Variants in DLGAP2 observed in about 807,000 individuals in gnomAD.
DLGAP2 encodes the protein DLG associated protein 2, also known as disks large-associated protein 2.
A neutral mutation model predicts 100.3 loss-of-function variants in DLGAP2; 26 were observed. That is an observed-to-expected ratio of 0.26 (90% CI 0.19 to 0.36). DLGAP2 has a LOEUF of 0.36. Ranked by LOEUF, DLGAP2 falls within the 10% of genes least tolerant of loss-of-function variation. The probability of loss-of-function intolerance (pLI) is 1.00; values close to 1 mark genes in which losing one functional copy is unlikely to be tolerated. For missense variants in DLGAP2, 1,858 were observed against 1,453.2 expected (o/e 1.28, Z -4.53); for synonymous variants, 886 against 630.1 (o/e 1.41, Z -6.08).
At chr8:1,291,414 G>A (rs965150625) in intron 3 of DLGAP2, among the ~76,000 whole-genome samples, 5 of 152,140 alleles carry the variant, frequency 3.3e-5, no homozygotes, top group African/African-American at 9.7e-5. Flanking sequence ...CTACATGTGA[G>A]AGTGAATTAC....
At chr8:1,479,691 C>G (rs759501446) in intron 3 of DLGAP2, among the ~76,000 whole-genome samples, 1 of 152,050 alleles carries the variant, frequency 6.6e-6, no homozygotes, top group Admixed American at 6.5e-5. Flanking sequence ...AAGGGGTTGG[C>G]CAACCGTAAG....
Position 935,103 on chromosome 8 carries a change from C to G in DLGAP2, c.73+27137C>G, listed in dbSNP as rs1245419245. ...GTAAGTGGCCATTAAACCCCACACA[C>G]TTGAAGAGAGCCTGCTGCCATTCCC... is the stretch of plus-strand genomic sequence containing the variant. On this transcript the variant is annotated intron_variant, in intron 2 of 14. Transcript: ENST00000637795. 2.6e-5 allele frequency among the ~76,000 whole-genome samples: 4 copies of G among 152,230 alleles called. No individual in the cohort carries two copies. The East Asian group carries it at 7.7e-4, about 29-fold the overall frequency.
rs1368560549 is a variant in DLGAP2, at chr8:881,492, CTCTCTT to C, written c.19-26418_19-26413del. Among the ~76,000 whole-genome samples, 919 of 128,108 alleles carry C rather than the reference CTCTCTT, an allele frequency of 7.2e-3. 20 individuals carry two copies. Among genetic ancestry groups the C allele is most frequent in the African/African-American group, 0.021 (700 of 33,488 alleles). 84.0% of individuals were successfully genotyped at this position (128,108 alleles called of 152,430 possible). ...TCTCATCCTCTCCTTACCATTTCAT[CTCTCTT>C]TTTTTTTTTTTTTTTTTTTGAGATG... On this transcript the variant is annotated intron_variant, in intron 1 of 14. Transcript: ENST00000637795.
intron 3 of DLGAP2, among the ~76,000 whole-genome samples, chr8:1,278,171 C>G (rs1008018191): frequency 6.6e-6 from 1 of 152,200 alleles, no homozygotes; most frequent in Non-Finnish European, 1.5e-5. Flanking sequence ...TGTGTTCCAG[C>G]TCTTTCTCCT....
At chr8:1,700,661 G>T (rs1254936999) in intron 14 of DLGAP2, among the ~76,000 whole-genome samples, 2 of 152,164 alleles carry the variant, frequency 1.3e-5, no homozygotes, top group African/African-American at 4.8e-5. Context: ...TATCGTCCAC[G>T]TCAATGGGAT....
intron 13 of DLGAP2, among the ~76,000 whole-genome samples, 157 bp downstream of exon 13, chr8:1,691,783 G>C (rs1434676655): frequency 2.0e-5 from 3 of 152,200 alleles, no homozygotes; most frequent in Non-Finnish European, 4.4e-5. Flanking sequence ...CCTGGGGAAA[G>C]AGACGATTCG....
chr8:764,035 G>A (rs1403129347), intron 1 of DLGAP2, among the ~76,000 whole-genome samples: 1 of 152,206 alleles, frequency 6.6e-6, no homozygotes, highest in Non-Finnish European at 1.5e-5. Context: ...CCAATAGGGT[G>A]TGTATGTCTT....
intron 12 of DLGAP2, among the ~76,000 whole-genome samples, chr8:1,683,856 ATG>A (rs10583520): frequency 0.26 from 15,998 of 61,738 alleles, 2,939 homozygotes; most frequent in Non-Finnish European, 0.3. Context: ...ATATATATAT[ATG>A]TGTGTGTGTG....
chr8:1,219,735 G>T (rs558696636), intron 2 of DLGAP2, among the ~76,000 whole-genome samples: 1 of 152,022 alleles, frequency 6.6e-6, no homozygotes, highest in East Asian at 1.9e-4. Flanking sequence ...CTGTGAATCC[G>T]TATGTCCCAG....
chr8:1,031,513 G>A (rs1801971749), intron 2 of DLGAP2, among the ~76,000 whole-genome samples: 2 of 152,124 alleles, frequency 1.3e-5, no homozygotes, highest in African/African-American at 4.8e-5. Flanking sequence ...CCGGGCTCAA[G>A]TGATCCTGCC....
Position 1,425,818 on chromosome 8 carries a change from C to T in DLGAP2, c.107-75548C>T, listed in dbSNP as rs73532657. Reference sequence around the variant, plus strand: ...CCCAGGGGATGTCAGGGCCCTAGACCGAGAAACAGAGACAGCCAGAAGTTC... The same window carrying T: ...CCCAGGGGATGTCAGGGCCCTAGACTGAGAAACAGAGACAGCCAGAAGTTC... On this transcript the variant is annotated intron_variant, in intron 3 of 14. Transcript: ENST00000637795. 5.5e-3 allele frequency among the ~76,000 whole-genome samples: 836 copies of T among 152,240 alleles called. 9 individuals are homozygous for T. Among genetic ancestry groups the T allele is most frequent in the African/African-American group, 0.019 (775 of 41,544 alleles).
intron 3 of DLGAP2, among the ~76,000 whole-genome samples, chr8:1,370,739 T>C (rs1802218010): frequency 6.6e-6 from 1 of 152,210 alleles, no homozygotes; most frequent in Non-Finnish European, 1.5e-5. Flanking sequence ...TGCTGGTGTA[T>C]GTAGGAGCCG....
At chr8:1,641,476 T>C in intron 8 of DLGAP2, among the ~76,000 whole-genome samples, 1 of 152,206 alleles carries the variant, frequency 6.6e-6, no homozygotes, top group East Asian at 1.9e-4. Flanking sequence ...GAAGCTGTCA[T>C]TGAACAAGTG....
chr8:958,582 C>CAAA (rs1207044026), intron 2 of DLGAP2, among the ~76,000 whole-genome samples: 7 of 85,576 alleles, frequency 8.2e-5, no homozygotes, highest in Non-Finnish European at 1.5e-4. Flanking sequence ...ACTAGACCTC[C>CAAA]AAAAAAAAAA....
At chr8:785,425 C>G (rs936758884) in intron 1 of DLGAP2, among the ~76,000 whole-genome samples, 1 of 151,030 alleles carries the variant, frequency 6.6e-6, no homozygotes, top group Admixed American at 6.6e-5. Context: ...TCTCTGAGAC[C>G]GGCTTCTCTC....
intron 8 of DLGAP2, among the ~76,000 whole-genome samples, chr8:1,648,910 A>G (rs900113870): frequency 4.6e-5 from 7 of 152,206 alleles, no homozygotes; most frequent in African/African-American, 1.7e-4. Flanking sequence ...ATTGTGGGGA[A>G]AACCTACAAA....
intron 1 of DLGAP2, among the ~76,000 whole-genome samples, chr8:759,302 C>CTCCCCATTATCAATACCCCCCACAGCT: frequency 6.6e-6 from 1 of 151,792 alleles, no homozygotes; most frequent in Non-Finnish European, 1.5e-5. Flanking sequence ...CCCCCACAGC[C>CTCCCCATTATCAATACCCCCCACAGCT]TCCCCATTAT....
At chr8:1,115,338 C>A (rs555585443) in intron 2 of DLGAP2, among the ~76,000 whole-genome samples, 1 of 152,178 alleles carries the variant, frequency 6.6e-6, no homozygotes, top group Non-Finnish European at 1.5e-5. Flanking sequence ...CTTTGAAGGT[C>A]TCTAAGCCCT....
At chr8:1,063,570 C>T (rs1287212797) in intron 2 of DLGAP2, among the ~76,000 whole-genome samples, 2 of 150,450 alleles carry the variant, frequency 1.3e-5, no homozygotes, top group African/African-American at 4.9e-5. Flanking sequence ...AAAATATGCA[C>T]CTCTTTAAAT....
Sources: gnomAD v4.1 joint callset for allele counts (sites outside exome capture counted in the v4.1 genomes callset) on GRCh38, gnomAD v4.1.1 for gene constraint, MANE v1.5 for transcripts, NCBI Gene and HGNC (gene_info 2026-07-23, HGNC 2026-07-21) for gene names.